The following MMP20 variants were observed in gnomAD, a reference collection of about 807,000 sequenced individuals.
The protein encoded by MMP20 is matrix metallopeptidase 20.
A neutral mutation model predicts 51.8 loss-of-function variants in MMP20; 50 were observed. The observed-to-expected ratio is 0.97, with a 90% CI of 0.77 to 1.22. The LOEUF (loss-of-function observed/expected upper bound fraction) is 1.22, where lower values mean the gene tolerates loss of function less well. MMP20 is among the 50% of genes most tolerant of loss of function. The pLI is 0.00. For missense variants in MMP20, 663 were observed against 601.4 expected (o/e 1.10, Z -1.07); for synonymous variants, 244 against 216.2 (o/e 1.13, Z -1.13).
intron 8 of MMP20, among the ~76,000 whole-genome samples, chr11:102,589,828 C>T (rs1859297074): frequency 6.6e-6 from 1 of 152,058 alleles, no homozygotes; most frequent in Non-Finnish European, 1.5e-5. Context: ...GATTTTTGAA[C>T]CCTATTTCAT....
At chr11:102,612,333 T>C (rs1859612919) in intron 2 of MMP20, among the ~76,000 whole-genome samples, 1 of 152,162 alleles carries the variant, frequency 6.6e-6, no homozygotes, top group African/African-American at 2.4e-5. Context: ...GGCGTGGTGG[T>C]GCAAACCTGT....
rs1859684602 is a variant in MMP20 at position 102,617,139 on chromosome 11, T to C, written c.127-80A>G. 1.1e-5 allele frequency: 16 copies of C among 1,516,118 alleles called. No homozygotes were observed. In the South Asian group the frequency reaches 1.8e-4, roughly 17 times the overall value. 93.9% of individuals were successfully genotyped at this position (1,516,118 alleles called of 1,614,324 possible). On this transcript the variant is annotated intron_variant, in intron 1 of 9. Transcript: ENST00000260228. Reference sequence around the variant, plus strand: ...GCTCAGGTAAGGCAGGGGACAGCATTCCTGATGTATTAAAAGCAGTGTGTA... The same window carrying C: ...GCTCAGGTAAGGCAGGGGACAGCATCCCTGATGTATTAAAAGCAGTGTGTA...
intron 6 of MMP20, chr11:102,605,473 A>T (rs1022356965): frequency 3.3e-5 from 5 of 151,786 alleles, no homozygotes; most frequent in Non-Finnish European, 4.4e-5. Context: ...TCAACAATAT[A>T]TCCCCAAAAG....
At chr11:102,602,084 G>A (rs1859453433) in intron 6 of MMP20, among the ~76,000 whole-genome samples, 1 of 146,678 alleles carries the variant, frequency 6.8e-6, no homozygotes, top group Admixed American at 6.8e-5. Context: ...CGAGTAGCTG[G>A]GATTACAGGC....
chr11:102,593,576 T>C lies in MMP20; in HGVS notation c.1110A>G (p.Thr370=), dbSNP rs773456943. ...YFFKGPHYWI[T]RGFQMQGPPR... is the part of the protein sequence containing the mutation. The stretch of plus-strand genomic sequence containing the variant: ...GAGGACCTTGCATTTGGAATCCTCT[T>C]GTTATCCAGTAGTGGGGACCTGAAA... The change falls in exon 8 of 10, where the codon ACA becomes ACG. Residue 370 remains threonine, a synonymous_variant. Transcript: ENST00000260228. 2 of 1,614,176 alleles carry C rather than the reference T, an allele frequency of 1.2e-6. No homozygotes were observed. Among genetic ancestry groups the C allele is most frequent in the South Asian group, 2.2e-5 (2 of 91,088 alleles).
rs58212685 is a variant in MMP20, at chr11:102,624,401, CATATATATATATATATATAT to C, written c.126+773_126+792del. Among the ~76,000 whole-genome samples, 202 of 140,262 alleles carry C rather than the reference CATATATATATATATATATAT, an allele frequency of 1.4e-3. 2 individuals carry two copies. The South Asian group carries it at 0.034, about 24-fold the overall frequency. 92.0% of individuals were successfully genotyped at this position (140,262 alleles called of 152,430 possible). The stretch of plus-strand genomic sequence containing the variant: ...TTTAAAAACAAAACACGCTTGGAAG[CATATATATATATATATATAT>C]ATATATATATATATATATATATATA... On this transcript the variant is annotated intron_variant, in intron 1 of 9. Coordinates refer to ENST00000260228, the MANE Select transcript of MMP20 (RefSeq NM_004771.4).
intron 8 of MMP20, among the ~76,000 whole-genome samples, chr11:102,588,199 C>G (rs900521925): frequency 6.6e-6 from 1 of 151,960 alleles, no homozygotes; most frequent in African/African-American, 2.4e-5. Flanking sequence ...TAAATTAATT[C>G]CAGTGAGATA....
At chr11:102,602,110 C>T (rs1171430271) in intron 6 of MMP20, among the ~76,000 whole-genome samples, 9 of 132,588 alleles carry the variant, frequency 6.8e-5, no homozygotes, top group East Asian at 2.4e-4. Flanking sequence ...CCACCACGCC[C>T]GGCTAATTTT....
At chr11:102,617,391 C>T (rs1181591070) in intron 1 of MMP20, among the ~76,000 whole-genome samples, 1 of 152,122 alleles carries the variant, frequency 6.6e-6, no homozygotes, top group Non-Finnish European at 1.5e-5. Context: ...GGGAAGGAAG[C>T]TGATGTGAAC....
intron 3 of MMP20, among the ~76,000 whole-genome samples, chr11:102,610,864 A>G (rs1389601376): frequency 2.6e-5 from 4 of 152,054 alleles, no homozygotes; most frequent in Admixed American, 2.0e-4. Context: ...ACTTCATGCA[A>G]TGGCAGCACA....
chr11:102,589,444 A>T (rs1179322011), intron 8 of MMP20, among the ~76,000 whole-genome samples: 1 of 152,198 alleles, frequency 6.6e-6, no homozygotes, highest in Non-Finnish European at 1.5e-5. Context: ...TTATTTATCT[A>T]TATATTTACC....
At chr11:102,583,220 T>C (rs1480685416) in intron 8 of MMP20, among the ~76,000 whole-genome samples, 1 of 152,230 alleles carries the variant, frequency 6.6e-6, no homozygotes, top group Non-Finnish European at 1.5e-5. Context: ...TCCAGACCTA[T>C]GTTTTCTACT....
intron 8 of MMP20, among the ~76,000 whole-genome samples, chr11:102,587,659 T>G (rs190993984): frequency 2.0e-5 from 3 of 152,286 alleles, no homozygotes; most frequent in East Asian, 1.9e-4. Context: ...TATAATTACA[T>G]CTTCATGGTA....
intron 6 of MMP20, among the ~76,000 whole-genome samples, chr11:102,603,464 A>G (rs1301268878): frequency 1.3e-5 from 2 of 152,044 alleles, no homozygotes; most frequent in African/African-American, 4.8e-5. Context: ...TTTGAATTCC[A>G]GCTCCACCCC....
Position 102,606,626 on chromosome 11 carries a change from G to A in MMP20, c.862C>T (p.His288Tyr), listed in dbSNP as rs1319472035. The A allele has an allele frequency of 1.2e-6, 2 of 1,613,910 alleles. No individual in the cohort carries two copies. Among genetic ancestry groups the A allele is most frequent in the Non-Finnish European group, 1.7e-6 (2 of 1,179,908 alleles). ...GKPTLPHAPH[H>Y]KPSIPDLCDS... ...CAGAGGTCAGGGATGGATGGCTTGT[G>A]ATGGGGGGCATGGGGCAGAGTGGGC... The change falls in exon 6 of 10, where the codon CAC becomes TAC. Residue 288 changes from histidine to tyrosine, a missense_variant. Physicochemically the swap from His to Tyr is moderately conservative, Grantham distance 83. Transcript: ENST00000260228.
At chr11:102,584,234 A>C (rs1425232553) in intron 8 of MMP20, among the ~76,000 whole-genome samples, 2 of 152,214 alleles carry the variant, frequency 1.3e-5, no homozygotes, top group Non-Finnish European at 2.9e-5. Context: ...ATACTAATTT[A>C]CATTTCTACT....
In MMP20 at chr11:102,603,004, C is replaced by T. The variant is rs959305250; in HGVS notation, c.953+3531G>A. The stretch of plus-strand genomic sequence containing the variant: ...TTAAGTATATCTAGCTATATATATG[C>T]CTCTCAACTTATTATAGCTAACACT... On this transcript the variant is annotated intron_variant, in intron 6 of 9. Coordinates refer to ENST00000260228, the MANE Select transcript of MMP20 (RefSeq NM_004771.4). Among the ~76,000 whole-genome samples the T allele has an allele frequency of 3.3e-5, 5 of 152,222 alleles. No individual in the cohort carries two copies. The South Asian group carries it at 8.3e-4, about 25-fold the overall frequency.
At chr11:102,598,777 C>A (rs1045041727) in intron 6 of MMP20, among the ~76,000 whole-genome samples, 3 of 152,116 alleles carry the variant, frequency 2.0e-5, no homozygotes, top group Non-Finnish European at 4.4e-5. Context: ...TGTTGTTGAG[C>A]CTTAAAGGTC....
chr11:102,578,220 C>T (rs12272210), intron 9 of MMP20, among the ~76,000 whole-genome samples: 44,380 of 151,492 alleles, frequency 0.29, 7,085 homozygotes, highest in African/African-American at 0.42. Flanking sequence ...CACAGTTCAC[C>T]GCAGCCTCGA....
Sources: gnomAD v4.1 joint callset for allele counts (sites outside exome capture counted in the v4.1 genomes callset) on GRCh38, gnomAD v4.1.1 for gene constraint, MANE v1.5 for transcripts, NCBI Gene and HGNC (gene_info 2026-07-23, HGNC 2026-07-21) for gene names.